Variants in TULP4 observed in about 807,000 individuals in gnomAD.
TULP4 encodes the protein TUB like protein 4.
Under a neutral mutation model 129.0 loss-of-function variants are expected in TULP4, and 16 were observed. That is an observed-to-expected ratio of 0.12 (90% confidence interval 0.08 to 0.19). The LOEUF is 0.19. Ranked by LOEUF, TULP4 falls within the 10% of genes least tolerant of loss-of-function variation. The probability of loss-of-function intolerance (pLI) is 1.00; values close to 1 mark genes in which losing one functional copy is unlikely to be tolerated. For missense variants in TULP4, 1,842 were observed against 2,059.1 expected, an observed-to-expected ratio of 0.89 and a Z score of 2.04; for synonymous variants, 998 against 854.0, an observed-to-expected ratio of 1.17 and a Z score of -2.94.
At chr6:158,456,157 T>C (rs1052410777) in intron 5 of TULP4, among the ~76,000 whole-genome samples, 5 of 152,166 alleles carry the variant, frequency 3.3e-5, no homozygotes, top group African/African-American at 1.2e-4. Context: ...TTGTAAGTTA[T>C]GGGAAGGTGA....
rs769339757 is a variant in TULP4, at chr6:158,502,606, C to A, written c.2943C>A (p.Ser981Arg). 6.2e-7 allele frequency: 1 copy of A among 1,600,256 alleles called. No homozygotes were observed. Among genetic ancestry groups the A allele is most frequent in the Non-Finnish European group, 8.5e-7 (1 of 1,179,456 alleles). The change falls in exon 13 of 14, where the codon AGC becomes AGA. Residue 981 changes from serine (S) to arginine (R), a missense_variant. Around this residue, in one of 5 missense-constraint regions of TULP4, gnomAD observed 1,089 missense variants for 987.1 expected, o/e 1.10. Coordinates refer to ENST00000367097, the MANE Select transcript of TULP4 (RefSeq NM_020245.5). ...GRGAAQRSDN[S>R]LIHATLRRNN... ...GGGCTGCCCAGAGGTCCGACAATAG[C>A]CTCATCCACGCTACCCTGCGGAGGA...
intron 1 of TULP4, among the ~76,000 whole-genome samples, chr6:158,298,038 T>C (rs1779065186): frequency 6.6e-6 from 1 of 152,144 alleles, no homozygotes; most frequent in Non-Finnish European, 1.5e-5. Context: ...TATTCCTTGC[T>C]AGGAAAATAA....
At chr6:158,307,469 T>G (rs1019324436), upstream of TULP4, among the ~76,000 whole-genome samples, 1 of 152,242 alleles carries the variant, frequency 6.6e-6, no homozygotes, top group Admixed American at 6.5e-5. Flanking sequence ...TTCATTTGTC[T>G]TCTTTGCACT....
At chr6:158,462,385 CT>C (rs61200391) in intron 6 of TULP4, among the ~76,000 whole-genome samples, 53,040 of 134,214 alleles carry the variant, frequency 0.4, 10,652 homozygotes, top group African/African-American at 0.58. Flanking sequence ...TTTTTTCTTT[CT>C]TTTTTTTTTT....
rs150798066 is a variant in TULP4, at chr6:158,413,379, C to T, written c.381+186C>T. 1.3e-5 allele frequency among the ~76,000 whole-genome samples: 2 copies of T among 152,350 alleles called. No homozygotes were observed. Among genetic ancestry groups the T allele is most frequent in the East Asian group, 1.9e-4 (1 of 5,196 alleles). On this transcript the variant is annotated intron_variant, in intron 2 of 13. Transcript: ENST00000367097. This position sits in a 1 kb window ranked among gnomAD's most constrained non-coding sequence, Gnocchi z 4.9. ...CATATGTCACTGGATAAAAAGAGTA[C>T]AGGATCATGCCCCCTTTTCAACCAT... is the stretch of plus-strand genomic sequence containing the variant.
intron 1 of TULP4, among the ~76,000 whole-genome samples, chr6:158,245,924 T>A (rs1014584237): frequency 3.3e-5 from 5 of 152,160 alleles, no homozygotes; most frequent in African/African-American, 1.2e-4. Context: ...AACCATGGTC[T>A]CAAAGACTGC....
intron 3 of TULP4, among the ~76,000 whole-genome samples, chr6:158,430,655 G>C (rs1486011307): frequency 1.3e-5 from 2 of 152,186 alleles, no homozygotes. Flanking sequence ...GCTGAGACAG[G>C]AGAATTGCTT....
intron 9 of TULP4, among the ~76,000 whole-genome samples, chr6:158,491,406 T>G (rs1780196212): frequency 3.8e-5 from 1 of 26,082 alleles, no homozygotes. Flanking sequence ...TCTTTCTTTC[T>G]TTCTTTCTTT....
intron 1 of TULP4, among the ~76,000 whole-genome samples, chr6:158,276,433 T>C (rs536139875): frequency 4.0e-5 from 6 of 151,730 alleles, no homozygotes; most frequent in Admixed American, 1.3e-4. Context: ...GTCTCTCAAG[T>C]AGCTGGGACT....
chr6:158,262,263 C>G (rs1262964489), intron 1 of TULP4, among the ~76,000 whole-genome samples: 1 of 152,220 alleles, frequency 6.6e-6, no homozygotes, highest in African/African-American at 2.4e-5. Flanking sequence ...TCTCTGCAAG[C>G]TCCTTTGTAG....
rs928702892 is a variant in TULP4 at position 158,237,771 on chromosome 6, A to G, written n.68+5468A>G. 1.1e-5 allele frequency: 9 copies of G among 791,076 alleles called. No homozygotes were observed. In the African/African-American group the frequency reaches 1.5e-4, roughly 13 times the overall value. 49.0% of individuals were successfully genotyped at this position (791,076 alleles called of 1,614,324 possible). On this transcript the variant is annotated intron_variant and non_coding_transcript_variant, in intron 1 of 1. Coordinates refer to the TULP4 transcript ENST00000620026. ...TCCAAATGTATGTAGCACCAGGAGA[A>G]TTTTCAAGAGCCTCAACATCTACTT... is the stretch of plus-strand genomic sequence containing the variant.
In TULP4 at chr6:158,427,471, C is replaced by CTTTTTT. The variant is rs557678837; in HGVS notation, c.382-2229_382-2224dup. 4.1e-3 allele frequency among the ~76,000 whole-genome samples: 304 copies of CTTTTTT among 74,126 alleles called. 57 individuals carry two copies. Among genetic ancestry groups the CTTTTTT allele is most frequent in the African/African-American group, 6.3e-3 (101 of 16,108 alleles). The allele number at this position is 74,126 out of a possible 152,430, so 48.6% of individuals were successfully genotyped here. A position where few individuals can be genotyped will look rare whatever the true frequency, so the allele number is the denominator to read the frequency against. ...AAATTCCTTTTCAAAATTATCAGACCTTTTTTTTTTTTTTTTTTTTTTTTT... is the reference window on the plus strand; with the variant it reads ...AAATTCCTTTTCAAAATTATCAGACCTTTTTTTTTTTTTTTTTTTTTTTTTTTTTTT... On this transcript the variant is annotated intron_variant, in intron 2 of 13. Transcript: ENST00000367097.
intron 1 of TULP4, among the ~76,000 whole-genome samples, chr6:158,270,623 G>A (rs1017315371): frequency 5.9e-5 from 9 of 152,280 alleles, no homozygotes; most frequent in African/African-American, 2.2e-4. Flanking sequence ...GTTTGACACT[G>A]CACTTTAGAC....
chr6:158,284,605 A>T (rs1477386980), intron 1 of TULP4, among the ~76,000 whole-genome samples: 1 of 152,164 alleles, frequency 6.6e-6, no homozygotes, highest in Non-Finnish European at 1.5e-5. Context: ...TTATATACTG[A>T]GTGCTGTTCT....
intron 3 of TULP4, among the ~76,000 whole-genome samples, chr6:158,436,241 A>G (rs1376440870): frequency 6.6e-6 from 1 of 152,138 alleles, no homozygotes; most frequent in Non-Finnish European, 1.5e-5. Flanking sequence ...ACCTTCACTT[A>G]GTCACCAGGT....
intron 12 of TULP4, 64 bp downstream of exon 12, chr6:158,498,876 C>T: frequency 6.3e-7 from 1 of 1,583,772 alleles, no homozygotes; most frequent in South Asian, 1.1e-5. Flanking sequence ...GCAAGGGGGA[C>T]AGAGCGGCAA....
At chr6:158,490,492 C>G (rs1240115172) in intron 9 of TULP4, among the ~76,000 whole-genome samples, 1 of 152,192 alleles carries the variant, frequency 6.6e-6, no homozygotes, top group African/African-American at 2.4e-5. Flanking sequence ...ACTAAGATTT[C>G]TAGTTTTAAT....
intron 1 of TULP4, among the ~76,000 whole-genome samples, chr6:158,282,587 C>T (rs1220049917): frequency 6.7e-6 from 1 of 150,024 alleles, no homozygotes; most frequent in African/African-American, 2.5e-5. Flanking sequence ...CTGGGAAGAA[C>T]GGCTACGAGA....
chr6:158,245,822 A>G (rs1778018212), intron 1 of TULP4, among the ~76,000 whole-genome samples: 3 of 152,336 alleles, frequency 2.0e-5, no homozygotes, highest in Middle Eastern at 3.4e-3. Flanking sequence ...TTGGAAACAT[A>G]TAGGCACAGA....
Sources: allele counts gnomAD v4.1 joint callset (sites outside exome capture counted in the v4.1 genomes callset), GRCh38; gene constraint gnomAD v4.1.1; regional missense constraint gnomAD v4.1.1; non-coding constraint Gnocchi (gnomAD v3.1); transcripts MANE v1.5; gene names NCBI Gene and HGNC (gene_info 2026-07-23, HGNC 2026-07-21).